Variants in CLVS1 observed in about 807,000 individuals in gnomAD.
CLVS1 encodes clavesin 1.
Under a neutral mutation model 33.1 loss-of-function variants are expected in CLVS1, and 10 were observed. The ratio of observed to expected loss-of-function variants is 0.30; its 90% CI spans 0.19 to 0.51. The LOEUF (loss-of-function observed/expected upper bound fraction) is 0.51. Ranked by LOEUF, CLVS1 falls within the 20% of genes least tolerant of loss-of-function variation. CLVS1 has a pLI of 0.97. For missense variants in CLVS1, 343 were observed against 433.4 expected, an observed-to-expected ratio of 0.79 and a Z score of 1.85; for synonymous variants, 163 against 166.1, an observed-to-expected ratio of 0.98 and a Z score of 0.14.
At chr8:60,969,624 G>C in the CLVS1 span, among the ~76,000 whole-genome samples, 1 of 152,138 alleles carries the variant, frequency 6.6e-6, no homozygotes, top group African/African-American at 2.4e-5. Flanking sequence ...GGTCAGTTCA[G>C]TCAGTTGGCA....
chr8:61,024,403 T>C, the CLVS1 span, among the ~76,000 whole-genome samples: 1 of 152,234 alleles, frequency 6.6e-6, no homozygotes, highest in Non-Finnish European at 1.5e-5. Context: ...TTCAAACCTC[T>C]CTGGCACCTT....
chr8:61,138,770 C>T (rs1806243396), intron 2 of CLVS1, among the ~76,000 whole-genome samples: 2 of 152,126 alleles, frequency 1.3e-5, no homozygotes, highest in Admixed American at 1.3e-4. Context: ...TGGGAGTGCC[C>T]CATAGAGCTG....
intron 2 of CLVS1, among the ~76,000 whole-genome samples, chr8:61,347,629 TATATATATATATATATATATATATATA>T (rs1812269325): frequency 3.7e-3 from 2 of 544 alleles, no homozygotes; most frequent in Non-Finnish European, 6.1e-3. Flanking sequence ...CATTCCATTA[TATATATATATATATATATATATATATA>T]TATATATATA....
chr8:61,348,209 C>A (rs1812306380), intron 2 of CLVS1, among the ~76,000 whole-genome samples: 1 of 151,558 alleles, frequency 6.6e-6, no homozygotes, highest in African/African-American at 2.4e-5. Flanking sequence ...TGATATCATG[C>A]AATATTTGTC....
At chr8:61,181,462 A>C (rs1585668256) in intron 2 of CLVS1, among the ~76,000 whole-genome samples, 1 of 152,242 alleles carries the variant, frequency 6.6e-6, no homozygotes, top group East Asian at 1.9e-4. Flanking sequence ...GATGTTCTTC[A>C]CAGAATTAGA....
intron 2 of CLVS1, among the ~76,000 whole-genome samples, chr8:61,180,616 A>G (rs998465745): frequency 2.6e-5 from 4 of 152,154 alleles, no homozygotes; most frequent in Admixed American, 6.6e-5. Flanking sequence ...TCTAATCCAG[A>G]AGTACATCAA....
At position 61,469,152 on chromosome 8, in the gene CLVS1, G is replaced by C. The variant is rs182434990; in HGVS notation, c.977+10610G>C. 1.5e-4 allele frequency among the ~76,000 whole-genome samples: 23 copies of C among 152,300 alleles called. 1 individual carries two copies. In the East Asian group the frequency reaches 3.1e-3, roughly 20 times the overall value. On this transcript the variant is annotated intron_variant, in intron 5 of 5. Coordinates refer to ENST00000325897, the MANE Select transcript of CLVS1 (RefSeq NM_173519.3). ...GCATTTTCTCTGGGCTGAGATCACAGGCTCCTGTGTTTCATGGAATCAAAA... is the reference window on the plus strand; with the variant it reads ...GCATTTTCTCTGGGCTGAGATCACACGCTCCTGTGTTTCATGGAATCAAAA...
intron 2 of CLVS1, among the ~76,000 whole-genome samples, chr8:61,349,651 T>C (rs1812366604): frequency 6.6e-6 from 1 of 152,136 alleles, no homozygotes; most frequent in Non-Finnish European, 1.5e-5. Context: ...AGAACCTTCT[T>C]AATTTTCTGT....
At position 61,436,046 on chromosome 8, in the gene CLVS1, T is replaced by C. The variant is rs76068559; in HGVS notation, c.631-18095T>C. Among the ~76,000 whole-genome samples, 537 of 152,350 alleles carry C rather than the reference T, an allele frequency of 3.5e-3. 2 individuals are homozygous for C. Among genetic ancestry groups the C allele is most frequent in the African/African-American group, 0.012 (489 of 41,578 alleles). ...ATGTTTTCACAAGTGTGTAATTATC[T>C]ACACATTTTGCAGCCTGCTTTCTCA... On this transcript the variant is annotated intron_variant, in intron 3 of 5. Transcript: ENST00000325897.
At chr8:61,289,472 A>C (rs556096242) in intron 1 of CLVS1, among the ~76,000 whole-genome samples, 2 of 152,364 alleles carry the variant, frequency 1.3e-5, no homozygotes, top group Admixed American at 1.3e-4. Flanking sequence ...ATCAATAAAA[A>C]TGTCTTGCTG....
intron 3 of CLVS1, among the ~76,000 whole-genome samples, chr8:61,413,343 C>T (rs1815306923): frequency 6.6e-6 from 1 of 152,158 alleles, no homozygotes; most frequent in East Asian, 1.9e-4. Context: ...TCCTGAACCC[C>T]TATTAACTTC....
At chr8:61,208,451 G>T (rs1046965590) in intron 2 of CLVS1, among the ~76,000 whole-genome samples, 1 of 152,120 alleles carries the variant, frequency 6.6e-6, no homozygotes, top group African/African-American at 2.4e-5. Flanking sequence ...TTAAAAAATT[G>T]CAAAGCTGAG....
chr8:61,485,005 A>T (rs1159985486), intron 5 of CLVS1, among the ~76,000 whole-genome samples: 2 of 152,244 alleles, frequency 1.3e-5, no homozygotes, highest in Admixed American at 6.5e-5. Context: ...AAGAAAACCT[A>T]GGCATTACCA....
chr8:61,497,991 C>CT (rs1804327251), intron 5 of CLVS1, among the ~76,000 whole-genome samples: 1 of 152,018 alleles, frequency 6.6e-6, no homozygotes, highest in Non-Finnish European at 1.5e-5. Flanking sequence ...TTTTGTCTGG[C>CT]TTTTTTACTA....
chr8:61,158,434 C>T (rs535414100), intron 2 of CLVS1, among the ~76,000 whole-genome samples: 1 of 152,138 alleles, frequency 6.6e-6, no homozygotes, highest in African/African-American at 2.4e-5. Flanking sequence ...TCAGTGTGTA[C>T]AAATTAAACC....
At chr8:61,008,730 G>T in the CLVS1 span, among the ~76,000 whole-genome samples, 2 of 152,172 alleles carry the variant, frequency 1.3e-5, no homozygotes, top group Non-Finnish European at 2.9e-5. Context: ...AACTGATATT[G>T]CTGAGTTACC....
At chr8:60,993,434 A>G in the CLVS1 span, among the ~76,000 whole-genome samples, 1 of 152,186 alleles carries the variant, frequency 6.6e-6, no homozygotes, top group African/African-American at 2.4e-5. Flanking sequence ...CTGTGTTCTC[A>G]TCTGTGCTTC....
intron 2 of CLVS1, among the ~76,000 whole-genome samples, chr8:61,243,502 C>T (rs1488323824): frequency 6.6e-6 from 1 of 152,138 alleles, no homozygotes; most frequent in Non-Finnish European, 1.5e-5. Flanking sequence ...TCTATTGGGG[C>T]TTTAGTTGTC....
intron 2 of CLVS1, among the ~76,000 whole-genome samples, chr8:61,211,485 C>A (rs1807969993): frequency 6.6e-6 from 1 of 151,856 alleles, no homozygotes; most frequent in Non-Finnish European, 1.5e-5. Flanking sequence ...CCCTCTCCTC[C>A]TCCTCTTCCT....
Sources: gnomAD v4.1 joint callset for allele counts (sites outside exome capture counted in the v4.1 genomes callset) on GRCh38, gnomAD v4.1.1 for gene constraint, MANE v1.5 for transcripts, NCBI Gene and HGNC (gene_info 2026-07-23, HGNC 2026-07-21) for gene names.